The following CTDSP2 variants were observed in gnomAD, a reference collection of about 807,000 sequenced individuals.
CTDSP2 encodes the protein carboxy-terminal domain RNA polymerase II polypeptide A small phosphatase 2.
A neutral mutation model predicts 31.6 loss-of-function variants in CTDSP2; 9 were observed. The ratio of observed to expected loss-of-function variants is 0.28; its 90% CI spans 0.17 to 0.50. The LOEUF (loss-of-function observed/expected upper bound fraction) is 0.50, where lower values mean the gene tolerates loss of function less well. Ranked by LOEUF, CTDSP2 falls within the 20% of genes least tolerant of loss-of-function variation. CTDSP2 has a pLI of 0.98. For synonymous variants in CTDSP2, 134 were observed against 134.5 expected, an observed-to-expected ratio of 1.00 and a Z score of 0.03; for missense variants, 267 against 348.5, an observed-to-expected ratio of 0.77 and a Z score of 1.86.
chr12:57,844,848 A>G (rs534566520), intron 1 of CTDSP2, among the ~76,000 whole-genome samples: 1 of 151,968 alleles, frequency 6.6e-6, no homozygotes, highest in South Asian at 2.1e-4. Context: ...TTCTCAGGGC[A>G]GGCTTATTTA....
At chr12:57,834,852 G>A (rs1023978410) in intron 1 of CTDSP2, among the ~76,000 whole-genome samples, 1 of 152,194 alleles carries the variant, frequency 6.6e-6, no homozygotes, top group Non-Finnish European at 1.5e-5. Context: ...GCTGGGCATG[G>A]TGGCTCATGC....
chr12:57,846,250 G>T (rs1956315422), intron 1 of CTDSP2, 122 bp downstream of exon 1: 1 of 872,004 alleles, frequency 1.1e-6, no homozygotes, highest in Non-Finnish European at 1.8e-6. Context: ...GACCGGAGGG[G>T]TCCAGTCGGG....
At chr12:57,836,914 G>T (rs1368946546) in intron 1 of CTDSP2, among the ~76,000 whole-genome samples, 1 of 152,124 alleles carries the variant, frequency 6.6e-6, no homozygotes, top group Non-Finnish European at 1.5e-5. Context: ...ATCCCCAGAA[G>T]TACTTCCTTC....
In CTDSP2 at chr12:57,826,336, G is replaced by A. The variant is rs757915445; in HGVS notation, c.411+10C>T. The stretch of plus-strand genomic sequence containing the variant: ...CCTCTGGGCTGGGTGTGGTCTGGCT[G>A]GCAGCTCACCTGGTGAGTGGTCCCC... On this transcript the variant is annotated intron_variant, in intron 5 of 7. Transcript: ENST00000398073. 1.1e-5 allele frequency: 17 copies of A among 1,613,740 alleles called. No homozygotes were observed. In the South Asian group the frequency reaches 1.4e-4, roughly 14 times the overall value.
At chr12:57,824,798 T>G in intron 5 of CTDSP2, 1 of 415,814 alleles carries the variant, frequency 2.4e-6, no homozygotes, top group South Asian at 1.7e-5. Flanking sequence ...TCAATGACCA[T>G]AGACTAGACA....
Position 57,821,907 on chromosome 12 carries a change from C to G in CTDSP2, c.*1695G>C. On this transcript the variant is annotated 3_prime_UTR_variant, in exon 8 of 8. Coordinates refer to ENST00000398073, the MANE Select transcript of CTDSP2 (RefSeq NM_005730.4). Reference sequence around the variant, plus strand: ...TGCCAGCCAGCCACCGCTGAGAGCACGAAGCTGCTGCTCTACTACCTGCTT... The same window carrying G: ...TGCCAGCCAGCCACCGCTGAGAGCAGGAAGCTGCTGCTCTACTACCTGCTT... 3 of 152,376 alleles carry G rather than the reference C, an allele frequency of 2.0e-5. No individual in the cohort carries two copies. In the South Asian group the frequency reaches 6.2e-4, roughly 32 times the overall value. The allele number at this position is 152,376 out of a possible 1,614,324, so 9.4% of individuals were successfully genotyped here.
intron 1 of CTDSP2, among the ~76,000 whole-genome samples, chr12:57,843,182 G>A (rs536236597): frequency 2.0e-5 from 3 of 152,170 alleles, no homozygotes; most frequent in African/African-American, 7.2e-5. Context: ...CTCATTTCAC[G>A]TTGGGAGGTT....
At chr12:57,846,157 A>G (rs1315309115) in intron 1 of CTDSP2, among the ~76,000 whole-genome samples, 1 of 152,278 alleles carries the variant, frequency 6.6e-6, no homozygotes, top group East Asian at 1.9e-4. Context: ...GCTGCGCCGA[A>G]GACGCCCTTT....
rs372627560 is a variant in CTDSP2, at chr12:57,825,862, G to C, written c.411+484C>G. ...AGAAAGTCACTAGCTATTCACAGTG[G>C]GGGTGGCAGGGGGAGCATGGGCAAG... On this transcript the variant is annotated intron_variant, in intron 5 of 7. Coordinates refer to ENST00000398073, the MANE Select transcript of CTDSP2 (RefSeq NM_005730.4). Among the ~76,000 whole-genome samples the C allele has an allele frequency of 8.5e-5, 13 of 152,240 alleles. No homozygotes were observed. The South Asian group carries it at 2.5e-3, about 29-fold the overall frequency.
intron 1 of CTDSP2, among the ~76,000 whole-genome samples, chr12:57,831,389 G>C (rs570511317): frequency 6.6e-6 from 1 of 152,238 alleles, no homozygotes; most frequent in South Asian, 2.1e-4. Flanking sequence ...GGAGGTGGAA[G>C]TCGCAGTGAG....
At chr12:57,837,994 G>A (rs928900118) in intron 1 of CTDSP2, among the ~76,000 whole-genome samples, 2 of 152,166 alleles carry the variant, frequency 1.3e-5, no homozygotes, top group Non-Finnish European at 2.9e-5. Flanking sequence ...GAGGTAAGAG[G>A]ACTCAGTTTT....
intron 1 of CTDSP2, among the ~76,000 whole-genome samples, chr12:57,836,215 A>G (rs1458600524): frequency 6.6e-6 from 1 of 152,196 alleles, no homozygotes; most frequent in African/African-American, 2.4e-5. Context: ...AGTCCACAAC[A>G]AAATTTGTTT....
chr12:57,846,591 G>C lies in CTDSP2; in HGVS notation c.-156C>G, dbSNP rs1306674457. Reference sequence around the variant, plus strand: ...CCCCCTCTCGTTTCCTCCCCGGACCGGGAAGGGAGGCGGCCTGTACAAAGG... The same window carrying C: ...CCCCCTCTCGTTTCCTCCCCGGACCCGGAAGGGAGGCGGCCTGTACAAAGG... On this transcript the variant is annotated 5_prime_UTR_variant, in exon 1 of 8. Transcript: ENST00000398073. 1.6e-6 allele frequency: 1 copy of C among 615,924 alleles called. No individual in the cohort carries two copies. The highest frequency in any genetic ancestry group is 2.6e-5 in the South Asian group (1 of 38,030). The allele number at this position is 615,924 out of a possible 1,614,324, so 38.2% of individuals were successfully genotyped here.
Position 57,846,627 on chromosome 12 carries a change from C to G in CTDSP2, c.-192G>C. On this transcript the variant is annotated 5_prime_UTR_variant, in exon 1 of 8. Transcript: ENST00000398073. The stretch of plus-strand genomic sequence containing the variant: ...CGGCCTGTACAAAGGGCGGGCGGCC[C>G]GGGCAGCGGCTCCCCCGGGTGCCCC... 1 of 471,498 alleles carries G rather than the reference C, an allele frequency of 2.1e-6. No individual in the cohort carries two copies. Among genetic ancestry groups the G allele is most frequent in the Non-Finnish European group, 3.6e-6 (1 of 274,878 alleles). The allele number at this position is 471,498 out of a possible 1,614,324, so 29.2% of individuals were successfully genotyped here.
Position 57,827,594 on chromosome 12 carries a change from A to G in CTDSP2, c.214-4T>C. On this transcript the variant is annotated splice_polypyrimidine_tract_variant and splice_region_variant and intron_variant, in intron 2 of 7. Coordinates refer to ENST00000398073, the MANE Select transcript of CTDSP2 (RefSeq NM_005730.4). ...GGAGACACTGGAGCAGATCCGACTG[A>G]GGAAGAGAAGGAGGTGGTCAGTGCC... 1 of 1,613,888 alleles carries G rather than the reference A, an allele frequency of 6.2e-7. No individual in the cohort carries two copies. The highest frequency in any genetic ancestry group is 8.5e-7 in the Non-Finnish European group (1 of 1,179,870).
At position 57,823,072 on chromosome 12, in the gene CTDSP2, T is replaced by C. The variant is rs924447368; in HGVS notation, c.*530A>G. 1.3e-5 allele frequency: 2 copies of C among 156,584 alleles called. No individual in the cohort carries two copies. Among genetic ancestry groups the C allele is most frequent in the African/African-American group, 4.8e-5 (2 of 41,500 alleles). The allele number at this position is 156,584 out of a possible 1,614,324, so 9.7% of individuals were successfully genotyped here. ...AGTTCTCATCTTCCCAGAAATGTGA[T>C]CTTTTGTCTGCAGCAGCTGGCTGGA... On this transcript the variant is annotated 3_prime_UTR_variant, in exon 8 of 8. Coordinates refer to ENST00000398073, the MANE Select transcript of CTDSP2 (RefSeq NM_005730.4).
chr12:57,826,379 T>C lies in CTDSP2; in HGVS notation c.378A>G (p.Ile126Met). 1 of 1,614,130 alleles carries C rather than the reference T, an allele frequency of 6.2e-7. No individual in the cohort carries two copies. The highest frequency in any genetic ancestry group is 8.5e-7 in the Non-Finnish European group (1 of 1,180,008). Residue 126 changes from isoleucine (I) to methionine (M), a missense_variant, in exon 5 of 8, where the codon ATA becomes ATG. This residue lies in a region of CTDSP2 where 156 missense variants were observed against 241.3 expected (regional missense o/e 0.65). Transcript: ENST00000398073. ...SFKPINNADF[I>M]VPIEIEGTTH... is the part of the protein sequence containing the mutation. ...TGGTCCCCTCAATCTCTATAGGCAC[T>C]ATGAAGTCAGCATTGTTGATTGGCT...
intron 1 of CTDSP2, among the ~76,000 whole-genome samples, chr12:57,836,214 C>A (rs1159897414): frequency 6.6e-6 from 1 of 152,194 alleles, no homozygotes; most frequent in Non-Finnish European, 1.5e-5. Flanking sequence ...AAGTCCACAA[C>A]AAAATTTGTT....
At chr12:57,840,530 A>G (rs1034027873) in intron 1 of CTDSP2, among the ~76,000 whole-genome samples, 2 of 152,120 alleles carry the variant, frequency 1.3e-5, no homozygotes, top group Admixed American at 6.5e-5. Context: ...TCCTAGCTCT[A>G]TTCTGCTGCG....
Sources: allele counts gnomAD v4.1 joint callset (sites outside exome capture counted in the v4.1 genomes callset), GRCh38; gene constraint gnomAD v4.1.1; regional missense constraint gnomAD v4.1.1; transcripts MANE v1.5; gene names NCBI Gene and HGNC (gene_info 2026-07-23, HGNC 2026-07-21).